The following NSUN4 variants were observed in gnomAD, a reference collection of about 807,000 sequenced individuals.
NSUN4 encodes the protein NOP2/Sun RNA methyltransferase 4.
NSUN4 carries 31 observed loss-of-function variants against 43.8 expected under a neutral mutation model. The ratio of observed to expected loss-of-function variants is 0.71; its 90% CI spans 0.53 to 0.96. The LOEUF is 0.96. Among genes scored for constraint, NSUN4 ranks in the 40% least tolerant of loss-of-function variants. The pLI is 0.00. For synonymous variants in NSUN4, 167 were observed against 184.1 expected, an observed-to-expected ratio of 0.91 and a Z score of 0.75; for missense variants, 439 against 475.6, an observed-to-expected ratio of 0.92 and a Z score of 0.72.
At chr1:46,376,729 T>C in the NSUN4 span, among the ~76,000 whole-genome samples, 1 of 151,952 alleles carries the variant, frequency 6.6e-6, no homozygotes, top group Non-Finnish European at 1.5e-5. Context: ...TGTGTGTGTG[T>C]GTGTGTGTGT....
the NSUN4 span, chr1:46,370,502 C>T: frequency 6.7e-6 from 1 of 149,866 alleles, no homozygotes. Flanking sequence ...GGCATAGCCA[C>T]GTGACTTGCT....
At chr1:46,369,570 T>C (rs901621774), downstream of NSUN4, among the ~76,000 whole-genome samples, 9 of 152,244 alleles carry the variant, frequency 5.9e-5, no homozygotes, top group Middle Eastern at 3.4e-3. Context: ...TAACCTCGCC[T>C]GGAGGAAGAG....
chr1:46,369,350 T>C (rs1162365065), downstream of NSUN4, among the ~76,000 whole-genome samples: 1 of 152,200 alleles, frequency 6.6e-6, no homozygotes, highest in Admixed American at 6.5e-5. Flanking sequence ...TAGTATATAT[T>C]TGAGTACCTC....
chr1:46,371,390 C>T, the NSUN4 span, among the ~76,000 whole-genome samples: 304 of 151,484 alleles, frequency 2.0e-3, 1 homozygote, highest in Non-Finnish European at 4.0e-3. Flanking sequence ...ACTGCAAGCT[C>T]CACCTCCTGG....
At chr1:46,376,711 C>A in the NSUN4 span, among the ~76,000 whole-genome samples, 1 of 97,974 alleles carries the variant, frequency 1.0e-5, no homozygotes, top group Non-Finnish European at 2.3e-5. Context: ...CTTTAGAGAG[C>A]ATGTGTGTGT....
rs1479487844 is a variant in NSUN4 at position 46,340,934 on chromosome 1, G to A, written c.93+15G>A. On this transcript the variant is annotated intron_variant, in intron 1 of 5. Transcript: ENST00000474844. ...AGAAGAAATGGGTAAGGTCCGGCTG[G>A]GGGCGCAGGAGGGAAAAGTGAGGGT... 2.5e-6 allele frequency: 4 copies of A among 1,605,232 alleles called. No individual in the cohort carries two copies. Among genetic ancestry groups the A allele is most frequent in the Non-Finnish European group, 3.4e-6 (4 of 1,174,820 alleles).
intron 5 of NSUN4, among the ~76,000 whole-genome samples, 163 bp from the exon 6 acceptor site, chr1:46,361,407 G>A (rs1428571075): frequency 6.6e-6 from 1 of 152,034 alleles, no homozygotes; most frequent in East Asian, 1.9e-4. Flanking sequence ...TGCCTTGAGA[G>A]TGACTTTTCA....
rs1313023793 is a variant in NSUN4 at position 46,353,018 on chromosome 1, C to T, written c.743C>T (p.Thr248Ile). ...AAATGGGGAGAACTGGAGGGGGACA[C>T]CTATGACCGGGTGAGTGATTCTTGA... is the stretch of plus-strand genomic sequence containing the variant. ...GRKWGELEGDTYDRVLVDVPC... is the reference protein window; with the variant it reads ...GRKWGELEGDIYDRVLVDVPC... The change falls in exon 4 of 6, where the codon ACC becomes ATC. Residue 248 changes from threonine to isoleucine, a missense_variant. Transcript: ENST00000474844. 15 of 1,613,870 alleles carry T rather than the reference C, an allele frequency of 9.3e-6. No homozygotes were observed. In the South Asian group the frequency reaches 1.1e-4, roughly 12 times the overall value.
At chr1:46,377,006 C>T in the NSUN4 span, among the ~76,000 whole-genome samples, 43 of 151,950 alleles carry the variant, frequency 2.8e-4, no homozygotes, top group South Asian at 4.2e-4. Flanking sequence ...GATCCACCCA[C>T]CTCAGCCTCC....
rs1207150351 is a variant in NSUN4, at chr1:46,344,908, CCT to C, written c.205_206del (p.Ser69ArgfsTer10). On this transcript the variant is annotated frameshift_variant, in exon 2 of 6. Transcript: ENST00000474844. LOFTEE classifies it high-confidence loss of function. ...DLWPSIRVSLLSEQKYGALVN... is the reference protein window; with the variant it reads ...DLWPSIRVSLXSEQKYGALVN... The stretch of plus-strand genomic sequence containing the variant: ...TTTGGCCATCAATCCGTGTCAGTCT[CCT>C]CTCAGAGCAGAAGTATGGTGCACTG... The C allele has an allele frequency of 3.1e-6, 5 of 1,614,056 alleles. No individual in the cohort carries two copies. Among genetic ancestry groups the C allele is most frequent in the Non-Finnish European group, 4.2e-6 (5 of 1,180,008 alleles).
At position 46,352,147 on chromosome 1, in the gene NSUN4, TA is replaced by T. The variant is rs35949811; in HGVS notation, c.593-706del. Among the ~76,000 whole-genome samples the T allele has an allele frequency of 3.8e-3, 518 of 135,602 alleles. 1 individual carries two copies. The highest frequency in any genetic ancestry group is 7.0e-3 in the African/African-American group (258 of 36,904). The allele number at this position is 135,602 out of a possible 152,430, so 89.0% of individuals were successfully genotyped here. On this transcript the variant is annotated intron_variant, in intron 3 of 5. Coordinates refer to ENST00000474844, the MANE Select transcript of NSUN4 (RefSeq NM_199044.4). Reference sequence around the variant, plus strand: ...TGCCCAGACTCAGAGACCCTGTCTTTAAAAAAAAAAAAAAAGAATGTGGCTG... The same window carrying T: ...TGCCCAGACTCAGAGACCCTGTCTTTAAAAAAAAAAAAAAGAATGTGGCTG...
the NSUN4 span, among the ~76,000 whole-genome samples, chr1:46,372,799 T>G: frequency 2.2e-4 from 34 of 152,222 alleles, no homozygotes; most frequent in African/African-American, 6.5e-4. Flanking sequence ...CTCAGTTCAA[T>G]GCAACCTCTG....
intron 1 of NSUN4, chr1:46,343,959 A>C (rs1397897524): frequency 2.5e-6 from 1 of 395,924 alleles, no homozygotes; most frequent in African/African-American, 2.1e-5. Context: ...GGGCCAGAGC[A>C]AAAGTTCTGA....
downstream of NSUN4, among the ~76,000 whole-genome samples, chr1:46,367,094 A>G (rs1039402638): frequency 3.9e-5 from 6 of 152,102 alleles, no homozygotes; most frequent in Non-Finnish European, 8.8e-5. Context: ...CAAGTTAAGA[A>G]CCTTTGGATT....
At chr1:46,367,709 A>G (rs1351098857), downstream of NSUN4, among the ~76,000 whole-genome samples, 3 of 152,064 alleles carry the variant, frequency 2.0e-5, no homozygotes, top group Non-Finnish European at 4.4e-5. Context: ...TTTTATAGAG[A>G]AGGAAACAAG....
At position 46,364,952 on chromosome 1, in the gene NSUN4, G is replaced by A. The variant is rs1664094302; in HGVS notation, c.*3106G>A. ...ATTTGGGAATTCTGAGATTCCTGAT[G>A]TTTACCTACCTAGTCTTTCTCTTGC... On this transcript the variant is annotated 3_prime_UTR_variant, in exon 6 of 6. Transcript: ENST00000474844. 1 of 152,214 alleles carries A rather than the reference G, an allele frequency of 6.6e-6. No individual in the cohort carries two copies. The highest frequency in any genetic ancestry group is 2.4e-5 in the African/African-American group (1 of 41,454). The allele number at this position is 152,214 out of a possible 1,614,324, so 9.4% of individuals were successfully genotyped here.
chr1:46,381,775 A>G, the NSUN4 span, among the ~76,000 whole-genome samples: 14 of 152,288 alleles, frequency 9.2e-5, no homozygotes, highest in East Asian at 2.7e-3. Context: ...CTAGAATCCT[A>G]TTCTTTTACT....
rs1173695838 is a variant in NSUN4, at chr1:46,362,744, T to G, written c.*898T>G. The G allele has an allele frequency of 6.6e-6, 1 of 152,186 alleles. No homozygotes were observed. The highest frequency in any genetic ancestry group is 2.4e-5 in the African/African-American group (1 of 41,432). 9.4% of individuals were successfully genotyped at this position (152,186 alleles called of 1,614,324 possible). A position where few individuals can be genotyped will look rare whatever the true frequency, so the allele number is the denominator to read the frequency against. On this transcript the variant is annotated 3_prime_UTR_variant, in exon 6 of 6. Transcript: ENST00000474844. ...TTGTTTTGTTGGATTCCAGACTTTT[T>G]GTTGTTTCTAGTCTGCAGCTGAGCT...
At chr1:46,357,002 G>A (rs930636777) in intron 4 of NSUN4, among the ~76,000 whole-genome samples, 1 of 152,168 alleles carries the variant, frequency 6.6e-6, no homozygotes, top group Non-Finnish European at 1.5e-5. Flanking sequence ...GAGATTCAGT[G>A]GGAGCACTAT....
Sources: allele counts gnomAD v4.1 joint callset (sites outside exome capture counted in the v4.1 genomes callset), GRCh38; gene constraint gnomAD v4.1.1; transcripts MANE v1.5; gene names NCBI Gene and HGNC (gene_info 2026-07-23, HGNC 2026-07-21).